Variants in WDFY4 observed in about 807,000 individuals in gnomAD.
WDFY4 encodes WDFY family member 4.
WDFY4 carries 169 observed loss-of-function variants against 351.9 expected under a neutral mutation model. The observed-to-expected ratio is 0.48, with a 90% confidence interval of 0.42 to 0.55. The LOEUF (loss-of-function observed/expected upper bound fraction) is 0.55, where lower values mean the gene tolerates loss of function less well. Among genes scored for constraint, WDFY4 ranks in the 20% least tolerant of loss-of-function variants. The probability of loss-of-function intolerance (pLI) is 0.00; values close to 1 mark genes in which losing one functional copy is unlikely to be tolerated. For missense variants in WDFY4, 3,803 were observed against 3,935.6 expected (o/e 0.97, Z 0.90); for synonymous variants, 1,622 against 1,574.6 (o/e 1.03, Z -0.71).
intron 35 of WDFY4, among the ~76,000 whole-genome samples, 178 bp downstream of exon 35, chr10:48,822,715 A>C (rs1224847034): frequency 6.6e-6 from 1 of 152,132 alleles, no homozygotes; most frequent in Non-Finnish European, 1.5e-5. Context: ...CATGTCCAGC[A>C]GGGCTCTCAC....
At chr10:48,795,722 A>T (rs2066851623) in intron 23 of WDFY4, among the ~76,000 whole-genome samples, 1 of 151,942 alleles carries the variant, frequency 6.6e-6, no homozygotes, top group Non-Finnish European at 1.5e-5. Context: ...CTCAAGGCTC[A>T]TATGCCAATG....
intron 20 of WDFY4, among the ~76,000 whole-genome samples, chr10:48,787,586 G>A (rs2066445186): frequency 6.6e-6 from 1 of 152,214 alleles, no homozygotes; most frequent in African/African-American, 2.4e-5. Flanking sequence ...CCGTGGCTGT[G>A]CAGCTCATTG....
intron 45 of WDFY4, among the ~76,000 whole-genome samples, chr10:48,898,136 G>T (rs1323008131): frequency 2.0e-5 from 3 of 152,158 alleles, no homozygotes; most frequent in Non-Finnish European, 4.4e-5. Context: ...CAAGGGCTTA[G>T]CCAGGCATGC....
At chr10:48,690,152 G>T (rs2063155982) in intron 1 of WDFY4, among the ~76,000 whole-genome samples, 1 of 152,196 alleles carries the variant, frequency 6.6e-6, no homozygotes, top group Non-Finnish European at 1.5e-5. Flanking sequence ...TTGCAGCAGG[G>T]ATCCTTCCCC....
intron 30 of WDFY4, among the ~76,000 whole-genome samples, chr10:48,811,990 G>A (rs933113188): frequency 2.2e-4 from 34 of 152,052 alleles, no homozygotes; most frequent in African/African-American, 8.0e-4. Context: ...GGCACAGCTA[G>A]GGGAATGACA....
intron 1 of WDFY4, 70 bp from the exon 2 acceptor site, chr10:48,709,646 C>G: frequency 7.3e-7 from 1 of 1,371,170 alleles, no homozygotes; most frequent in Non-Finnish European, 1.0e-6. Flanking sequence ...AGTACAGTAC[C>G]TTATCCACAG....
chr10:48,947,866 G>A (rs1841128512), intron 51 of WDFY4, among the ~76,000 whole-genome samples: 1 of 152,206 alleles, frequency 6.6e-6, no homozygotes, highest in Non-Finnish European at 1.5e-5. Context: ...CCCTGCAATG[G>A]TCTGACGGAG....
intron 39 of WDFY4, among the ~76,000 whole-genome samples, chr10:48,837,526 T>C (rs1351905843): frequency 6.6e-6 from 1 of 152,122 alleles, no homozygotes; most frequent in Non-Finnish European, 1.5e-5. Flanking sequence ...GGGGCTGCAG[T>C]AGCTGTAGCT....
At chr10:48,856,736 G>A (rs1275078976) in intron 39 of WDFY4, among the ~76,000 whole-genome samples, 3 of 152,200 alleles carry the variant, frequency 2.0e-5, no homozygotes, top group African/African-American at 4.8e-5. Context: ...ACATTATTTT[G>A]TAACATGCAT....
chr10:48,761,502 A>G (rs1565169326), intron 13 of WDFY4, among the ~76,000 whole-genome samples: 1 of 152,146 alleles, frequency 6.6e-6, no homozygotes, highest in Non-Finnish European at 1.5e-5. Context: ...GAAAGGAATT[A>G]AGAGACCTGT....
chr10:48,841,540 G>A (rs911404091), intron 39 of WDFY4, among the ~76,000 whole-genome samples: 1 of 152,154 alleles, frequency 6.6e-6, no homozygotes, highest in South Asian at 2.1e-4. Context: ...ATGACTTGCT[G>A]AAAATAGGTT....
chr10:48,721,556 T>C (rs1228456601), intron 4 of WDFY4, among the ~76,000 whole-genome samples, 189 bp downstream of exon 4: 3 of 152,226 alleles, frequency 2.0e-5, no homozygotes, highest in African/African-American at 7.2e-5. Context: ...ACCTTCCCAG[T>C]TGACAAGCTG....
chr10:48,961,655 A>G (rs1841865349), intron 53 of WDFY4, among the ~76,000 whole-genome samples: 1 of 152,254 alleles, frequency 6.6e-6, no homozygotes, highest in Admixed American at 6.5e-5. Flanking sequence ...CCGAGAGGCC[A>G]GAGATCACAG....
chr10:48,952,826 G>C (rs1332729081), intron 51 of WDFY4, among the ~76,000 whole-genome samples: 23 of 152,198 alleles, frequency 1.5e-4, no homozygotes, highest in Admixed American at 1.5e-3. Context: ...GGACCAGTGC[G>C]TGGGCTTCCC....
intron 13 of WDFY4, among the ~76,000 whole-genome samples, chr10:48,764,133 A>G (rs1279298084): frequency 6.6e-6 from 1 of 152,200 alleles, no homozygotes; most frequent in Admixed American, 6.5e-5. Context: ...TCTCTCCTCT[A>G]TGGATGAGAA....
intron 52 of WDFY4, 148 bp downstream of exon 52, chr10:48,957,430 C>T (rs1418828494): frequency 3.7e-6 from 4 of 1,067,542 alleles, no homozygotes; most frequent in Non-Finnish European, 5.3e-6. Context: ...GGCAGCAGTG[C>T]CCAGAAGGAA....
At chr10:48,968,725 T>G (rs1842197574) in intron 55 of WDFY4, 2 of 294,746 alleles carry the variant, frequency 6.8e-6, no homozygotes, top group African/African-American at 2.1e-5. Context: ...TAACCAGACT[T>G]GGAATGAGGT....
At chr10:48,716,418 TA>T (rs1473220171) in intron 2 of WDFY4, among the ~76,000 whole-genome samples, 1 of 152,222 alleles carries the variant, frequency 6.6e-6, no homozygotes. Flanking sequence ...GCAGCTTAGA[TA>T]ATGTTAGCAA....
chr10:48,876,893 G>T, intron 42 of WDFY4, 140 bp from the exon 43 acceptor site: 1 of 802,354 alleles, frequency 1.2e-6, no homozygotes. Flanking sequence ...GCAGTGGAGG[G>T]GCACAGTGAG....
Sources: allele counts gnomAD v4.1 joint callset (sites outside exome capture counted in the v4.1 genomes callset), GRCh38; gene constraint gnomAD v4.1.1; transcripts MANE v1.5; gene names NCBI Gene and HGNC (gene_info 2026-07-23, HGNC 2026-07-21).